Variants in PDSS2 observed in about 807,000 individuals in gnomAD.
The protein encoded by PDSS2 is all trans-polyprenyl-diphosphate synthase PDSS2.
Under a neutral mutation model 44.5 loss-of-function variants are expected in PDSS2, and 31 were observed. That is an observed-to-expected ratio of 0.70 (90% confidence interval 0.52 to 0.94). The LOEUF is 0.94. Ranked by LOEUF, PDSS2 falls within the 40% of genes least tolerant of loss-of-function variation. The pLI is 0.00. For synonymous variants in PDSS2, 157 were observed against 180.3 expected (o/e 0.87, Z 1.03); for missense variants, 452 against 482.2 (o/e 0.94, Z 0.59).
chr6:107,273,361 G>A (rs966595637), intron 3 of PDSS2, among the ~76,000 whole-genome samples: 5 of 151,926 alleles, frequency 3.3e-5, no homozygotes, highest in African/African-American at 9.7e-5. Flanking sequence ...TTAACCCTTT[G>A]AACCACTTCT....
chr6:107,331,633 TAG>T (rs1265320300), intron 2 of PDSS2, among the ~76,000 whole-genome samples: 2 of 152,132 alleles, frequency 1.3e-5, no homozygotes, highest in Non-Finnish European at 2.9e-5. Flanking sequence ...TCCTGCTGAG[TAG>T]AAAGAGTATA....
intron 7 of PDSS2, among the ~76,000 whole-genome samples, chr6:107,189,101 G>A (rs1344350784): frequency 1.3e-5 from 2 of 152,158 alleles, no homozygotes; most frequent in Admixed American, 6.5e-5. Context: ...AGCACGGAGT[G>A]CAGTGACACA....
At chr6:107,346,580 G>C (rs1048071146) in intron 1 of PDSS2, among the ~76,000 whole-genome samples, 4 of 152,062 alleles carry the variant, frequency 2.6e-5, no homozygotes, top group Non-Finnish European at 4.4e-5. Flanking sequence ...CTGGCACACA[G>C]GACATTTAAT....
intron 7 of PDSS2, among the ~76,000 whole-genome samples, chr6:107,181,048 T>C (rs1771957168): frequency 6.6e-6 from 1 of 151,982 alleles, no homozygotes; most frequent in Non-Finnish European, 1.5e-5. Flanking sequence ...TTTCACCATG[T>C]TGGTCAGGCT....
chr6:107,394,338 G>A (rs914534079), intron 1 of PDSS2, among the ~76,000 whole-genome samples: 5 of 152,150 alleles, frequency 3.3e-5, no homozygotes, highest in African/African-American at 1.2e-4. Context: ...TGTACAGGAA[G>A]CATAACACCA....
chr6:107,421,242 A>G (rs1780814816), intron 1 of PDSS2, among the ~76,000 whole-genome samples: 1 of 152,240 alleles, frequency 6.6e-6, no homozygotes, highest in Non-Finnish European at 1.5e-5. Context: ...TTGCCAGTGG[A>G]AATGTAAAAT....
chr6:107,378,432 A>G (rs554680231), intron 1 of PDSS2, among the ~76,000 whole-genome samples: 72 of 152,296 alleles, frequency 4.7e-4, no homozygotes, highest in African/African-American at 1.7e-3. Flanking sequence ...AGGCTAATGT[A>G]TTTCTATATG....
chr6:107,308,813 G>A (rs1776943462), intron 2 of PDSS2, among the ~76,000 whole-genome samples: 1 of 152,234 alleles, frequency 6.6e-6, no homozygotes, highest in African/African-American at 2.4e-5. Flanking sequence ...TCCCAACAGG[G>A]CTCACTGCCC....
chr6:107,156,062 G>A (rs1770883263), intron 7 of PDSS2, among the ~76,000 whole-genome samples: 1 of 149,844 alleles, frequency 6.7e-6, no homozygotes, highest in South Asian at 2.1e-4. Flanking sequence ...GCTAATTTTG[G>A]TATTTTTGGT....
At chr6:107,359,732 T>C (rs528229180) in intron 1 of PDSS2, among the ~76,000 whole-genome samples, 7 of 151,894 alleles carry the variant, frequency 4.6e-5, no homozygotes, top group Non-Finnish European at 1.0e-4. Context: ...AATATCAAGG[T>C]ATGGCTTTGG....
intron 1 of PDSS2, among the ~76,000 whole-genome samples, chr6:107,444,031 T>C (rs1781590311): frequency 6.6e-6 from 1 of 152,090 alleles, no homozygotes; most frequent in Admixed American, 6.6e-5. Flanking sequence ...ATAGCTACTA[T>C]TATTTATTTA....
At chr6:107,348,898 T>C (rs535053986) in intron 1 of PDSS2, among the ~76,000 whole-genome samples, 1 of 152,186 alleles carries the variant, frequency 6.6e-6, no homozygotes, top group Non-Finnish European at 1.5e-5. Flanking sequence ...ACAGTACTAC[T>C]GTTATCCTAA....
At chr6:107,198,028 T>A (rs557612610) in intron 6 of PDSS2, 7 of 419,304 alleles carry the variant, frequency 1.7e-5, no homozygotes, top group South Asian at 1.3e-4. Context: ...GAATATAATA[T>A]TCTTTACTGA....
intron 1 of PDSS2, among the ~76,000 whole-genome samples, chr6:107,342,495 A>C (rs572308190): frequency 1.3e-5 from 2 of 152,226 alleles, no homozygotes; most frequent in Non-Finnish European, 2.9e-5. Context: ...AAATTACTGT[A>C]TATAAAATGT....
At chr6:107,254,035 CTT>C (rs72372732) in intron 3 of PDSS2, among the ~76,000 whole-genome samples, 18 of 132,400 alleles carry the variant, frequency 1.4e-4, no homozygotes, top group Non-Finnish European at 2.1e-4. Context: ...TTCTTTCTTT[CTT>C]TTTTTTTTTT....
chr6:107,347,262 T>C (rs796251977), intron 1 of PDSS2, among the ~76,000 whole-genome samples: 7 of 140,462 alleles, frequency 5.0e-5, no homozygotes, highest in East Asian at 2.1e-4. Context: ...TCTTCTTTTT[T>C]TTTTTTTTTT....
intron 1 of PDSS2, among the ~76,000 whole-genome samples, chr6:107,362,806 CAG>C (rs1457338257): frequency 1.3e-5 from 2 of 152,056 alleles, no homozygotes; most frequent in African/African-American, 2.4e-5. Flanking sequence ...TCAGTGAATA[CAG>C]AGTCTCAGTA....
chr6:107,205,214 G>A (rs1047998988), intron 6 of PDSS2, among the ~76,000 whole-genome samples: 20 of 152,182 alleles, frequency 1.3e-4, no homozygotes, highest in African/African-American at 4.8e-4. Context: ...GCGAGTTACA[G>A]CTTAGCAATG....
At chr6:107,402,469 T>C (rs1221633500) in intron 1 of PDSS2, among the ~76,000 whole-genome samples, 1 of 139,474 alleles carries the variant, frequency 7.2e-6, no homozygotes, top group Non-Finnish European at 1.5e-5. Flanking sequence ...TATACGTATA[T>C]ATATGTATAC....
Sources: allele counts gnomAD v4.1 joint callset (sites outside exome capture counted in the v4.1 genomes callset), GRCh38; gene constraint gnomAD v4.1.1; transcripts MANE v1.5; gene names NCBI Gene and HGNC (gene_info 2026-07-23, HGNC 2026-07-21).